APC: variants seen among roughly 807,000 people sequenced by gnomAD.
APC encodes the protein APC regulator of Wnt signaling pathway.
A neutral mutation model predicts 247.0 loss-of-function variants in APC; 72 were observed. The observed-to-expected ratio is 0.29, with a 90% CI of 0.24 to 0.35. The LOEUF is 0.35. APC is among the 10% of genes least tolerant of loss of function. APC has a pLI of 1.00. For synonymous variants in APC, 1,254 were observed against 1,162.5 expected (o/e 1.08, Z -1.60); for missense variants, 3,400 against 3,360.7 (o/e 1.01, Z -0.29).
At chr5:112,831,310 T>C (rs867455225) in intron 14 of APC, among the ~76,000 whole-genome samples, 1 of 152,148 alleles carries the variant, frequency 6.6e-6, no homozygotes, top group African/African-American at 2.4e-5. Flanking sequence ...GGTTTCACCA[T>C]GTTGGCCAGG....
intron 6 of APC, among the ~76,000 whole-genome samples, chr5:112,785,774 C>G (rs1427129882): frequency 1.3e-5 from 2 of 151,982 alleles, no homozygotes; most frequent in Non-Finnish European, 2.9e-5. Context: ...CAACCAATGA[C>G]CTGTTCAGAA....
intron 6 of APC, among the ~76,000 whole-genome samples, chr5:112,790,149 G>A (rs372555132): frequency 2.5e-4 from 38 of 152,026 alleles, no homozygotes; most frequent in African/African-American, 7.5e-4. Context: ...CCTGAGCCAC[G>A]GTGCCTGGCC....
chr5:112,763,915 T>C (rs1487079902), intron 2 of APC, among the ~76,000 whole-genome samples: 1 of 152,140 alleles, frequency 6.6e-6, no homozygotes, highest in African/African-American at 2.4e-5. Flanking sequence ...AGAACACTAC[T>C]GTAGGCTTTG....
intron 4 of APC, among the ~76,000 whole-genome samples, chr5:112,771,288 A>G (rs568753865): frequency 1.7e-4 from 26 of 152,236 alleles, no homozygotes; most frequent in African/African-American, 6.0e-4. Flanking sequence ...CTTTATGATA[A>G]TATGAGGATC....
In APC at chr5:112,785,675, G is replaced by A. The variant is rs534551394; in HGVS notation, c.645+4772G>A. Among the ~76,000 whole-genome samples, 17 of 152,186 alleles carry A rather than the reference G, an allele frequency of 1.1e-4. No individual in the cohort carries two copies. The South Asian group carries it at 2.3e-3, about 20-fold the overall frequency. ...GGCAAATGATAGAGACTAGAAAGAGGTACAGGAATATTTACAACCTTTATA... is the reference window on the plus strand; with the variant it reads ...GGCAAATGATAGAGACTAGAAAGAGATACAGGAATATTTACAACCTTTATA... On this transcript the variant is annotated intron_variant, in intron 6 of 15. Transcript: ENST00000257430.
chr5:112,732,824 A>G (rs1207182075), intron 1 of APC, among the ~76,000 whole-genome samples: 1 of 152,226 alleles, frequency 6.6e-6, no homozygotes, highest in Non-Finnish European at 1.5e-5. Flanking sequence ...GGATTACTTC[A>G]TGGGAATTTA....
chr5:112,830,649 A>G (rs1026908071), intron 14 of APC, among the ~76,000 whole-genome samples: 1 of 152,262 alleles, frequency 6.6e-6, no homozygotes, highest in African/African-American at 2.4e-5. Context: ...TATGTCTGTC[A>G]GCAGGTGAAT....
In APC at chr5:112,829,795, C is replaced by A. The variant is rs527922671; in HGVS notation, c.1743+823C>A. 3 of 152,334 alleles carry A rather than the reference C, an allele frequency of 2.0e-5. No individual in the cohort carries two copies. In the South Asian group the frequency reaches 6.2e-4, roughly 32 times the overall value. The allele number at this position is 152,334 out of a possible 1,614,324, so 9.4% of individuals were successfully genotyped here. On this transcript the variant is annotated intron_variant, in intron 14 of 15. Coordinates refer to ENST00000257430, the MANE Select transcript of APC (RefSeq NM_000038.6). The stretch of plus-strand genomic sequence containing the variant: ...TGGTATAAGTGTACCTTTGTGCTCT[C>A]CAAACCTCAATCCCCTCAAATTTTG...
At chr5:112,729,287 A>G (rs1751970031) in intron 1 of APC, among the ~76,000 whole-genome samples, 1 of 152,242 alleles carries the variant, frequency 6.6e-6, no homozygotes, top group African/African-American at 2.4e-5. Context: ...GAGACAGAAA[A>G]TTAAATAAAT....
chr5:112,753,378 A>G (rs1191391755), intron 1 of APC, among the ~76,000 whole-genome samples: 2 of 152,196 alleles, frequency 1.3e-5, no homozygotes, highest in Non-Finnish European at 2.9e-5. Flanking sequence ...GTATATTTTC[A>G]TAATATAACT....
intron 11 of APC, among the ~76,000 whole-genome samples, chr5:112,822,789 C>G (rs1167457098): frequency 6.6e-6 from 1 of 152,196 alleles, no homozygotes; most frequent in Non-Finnish European, 1.5e-5. Context: ...GTTTATGTTA[C>G]ATTATGTTCC....
chr5:112,836,770 G>C (rs1489393069), intron 15 of APC, among the ~76,000 whole-genome samples: 1 of 149,862 alleles, frequency 6.7e-6, no homozygotes, highest in Non-Finnish European at 1.5e-5. Flanking sequence ...GCAGTGGTGT[G>C]ATCTCGGCTC....
intron 1 of APC, among the ~76,000 whole-genome samples, chr5:112,717,749 T>A (rs960414718): frequency 2.0e-5 from 3 of 152,102 alleles, no homozygotes; most frequent in Admixed American, 6.5e-5. Flanking sequence ...TGTGTGAATA[T>A]ATGGATTGGT....
chr5:112,715,920 T>C (rs570711094), intron 1 of APC, among the ~76,000 whole-genome samples: 1 of 152,286 alleles, frequency 6.6e-6, no homozygotes, highest in African/African-American at 2.4e-5. Context: ...TGGCATGAAA[T>C]TGTTTATAAT....
intron 7 of APC, among the ~76,000 whole-genome samples, chr5:112,797,487 T>G (rs138590799): frequency 6.6e-6 from 1 of 152,182 alleles, no homozygotes; most frequent in South Asian, 2.1e-4. Context: ...AACTCTGGTT[T>G]AAGGTCTAGA....
chr5:112,747,135 A>G (rs952556500), intron 1 of APC, among the ~76,000 whole-genome samples: 6 of 152,164 alleles, frequency 3.9e-5, no homozygotes, highest in African/African-American at 1.4e-4. Context: ...GGCCATTAGC[A>G]GTATTCGATG....
chr5:112,788,666 A>G lies in APC; in HGVS notation c.646-3780A>G, dbSNP rs551972015. ...TATATCCTTCAATAAGGTTTTGTCA[A>G]ATTCTTCACAGGGGTCTTACATATC... On this transcript the variant is annotated intron_variant, in intron 6 of 15. Coordinates refer to ENST00000257430, the MANE Select transcript of APC (RefSeq NM_000038.6). Among the ~76,000 whole-genome samples, 10 of 152,210 alleles carry G rather than the reference A, an allele frequency of 6.6e-5. No homozygotes were observed. In the East Asian group the frequency reaches 9.6e-4, roughly 15 times the overall value.
At position 112,844,383 on chromosome 5, in the gene APC, A is replaced by C. The variant is rs1766804881; in HGVS notation, c.*257A>C. 2 of 428,324 alleles carry C rather than the reference A, an allele frequency of 4.7e-6. No individual in the cohort carries two copies. Among genetic ancestry groups the C allele is most frequent in the Non-Finnish European group, 8.3e-6 (2 of 242,060 alleles). The allele number at this position is 428,324 out of a possible 1,614,324, so 26.5% of individuals were successfully genotyped here. A position where few individuals can be genotyped will look rare whatever the true frequency, so the allele number is the denominator to read the frequency against. ...GTACAGTATGTTTTACATGTATTTA[A>C]AGTAGCATCCCATCCCAACTTCCTT... On this transcript the variant is annotated 3_prime_UTR_variant, in exon 16 of 16. Transcript: ENST00000257430.
chr5:112,818,385 C>T (rs114366732), intron 9 of APC, among the ~76,000 whole-genome samples: 69 of 152,250 alleles, frequency 4.5e-4, no homozygotes, highest in African/African-American at 1.7e-3. Context: ...GGCTCTCACT[C>T]TGTATGATCA....
Sources: allele counts gnomAD v4.1 joint callset (sites outside exome capture counted in the v4.1 genomes callset), GRCh38; gene constraint gnomAD v4.1.1; transcripts MANE v1.5; gene names NCBI Gene and HGNC (gene_info 2026-07-23, HGNC 2026-07-21).